Variants in TIMD4 observed in about 807,000 individuals in gnomAD.
TIMD4 encodes T cell immunoglobulin and mucin domain containing 4.
A neutral mutation model predicts 41.2 loss-of-function variants in TIMD4; 31 were observed. The observed-to-expected ratio is 0.75, with a 90% CI of 0.57 to 1.01. The LOEUF is 1.01. TIMD4 is among the 50% of genes least tolerant of loss of function. TIMD4 has a pLI of 0.00. For synonymous variants in TIMD4, 204 were observed against 177.1 expected (o/e 1.15, Z -1.21); for missense variants, 479 against 472.5 (o/e 1.01, Z -0.13).
chr5:156,956,100 C>T (rs1188154220), intron 1 of TIMD4, among the ~76,000 whole-genome samples: 1 of 152,196 alleles, frequency 6.6e-6, no homozygotes, highest in Non-Finnish European at 1.5e-5. Context: ...AAACTTTGTA[C>T]CTTTTAATCA....
intron 4 of TIMD4, 50 bp from the exon 5 acceptor site, chr5:156,948,549 C>T: frequency 7.4e-7 from 1 of 1,350,834 alleles, no homozygotes; most frequent in Admixed American, 2.4e-5. Context: ...AAATGCTTGT[C>T]TTCCTGCTTT....
At chr5:156,945,240 G>A (rs530803890) in intron 5 of TIMD4, among the ~76,000 whole-genome samples, 2 of 152,272 alleles carry the variant, frequency 1.3e-5, no homozygotes, top group South Asian at 4.1e-4. Flanking sequence ...TTAAATCCAG[G>A]TCGGCCATTT....
At chr5:156,933,189 T>C (rs1581614997) in intron 5 of TIMD4, among the ~76,000 whole-genome samples, 1 of 152,162 alleles carries the variant, frequency 6.6e-6, no homozygotes, top group Middle Eastern at 3.4e-3. Context: ...TTGAAAGTTT[T>C]TGTGAAAAAC....
At chr5:156,935,893 C>T (rs1157537704) in intron 5 of TIMD4, among the ~76,000 whole-genome samples, 1 of 152,194 alleles carries the variant, frequency 6.6e-6, no homozygotes, top group Non-Finnish European at 1.5e-5. Context: ...ACTGGACTCT[C>T]CTCTGGAGGG....
chr5:156,926,891 C>T (rs189870861), intron 5 of TIMD4, among the ~76,000 whole-genome samples: 22 of 152,286 alleles, frequency 1.4e-4, no homozygotes, highest in African/African-American at 4.8e-4. Flanking sequence ...GGAGTTTATG[C>T]TGAGAGGTGG....
intron 5 of TIMD4, among the ~76,000 whole-genome samples, chr5:156,945,861 G>A (rs1364521148): frequency 6.6e-6 from 1 of 152,176 alleles, no homozygotes; most frequent in African/African-American, 2.4e-5. Context: ...ACAAAAATAT[G>A]AGCATCTGCT....
At position 156,946,372 on chromosome 5, in the gene TIMD4, C is replaced by T. The variant is rs1759740739; in HGVS notation, c.844+2044G>A. On this transcript the variant is annotated intron_variant, in intron 5 of 8. Transcript: ENST00000274532. ...CTGTATGAGTTAGTGCAGGCCAAAG[C>T]GTCTTAATATCAGGGCCCCCTCGCA... Among the ~76,000 whole-genome samples, 3 of 152,194 alleles carry T rather than the reference C, an allele frequency of 2.0e-5. No homozygotes were observed. In the South Asian group the frequency reaches 6.2e-4, roughly 31 times the overall value.
At chr5:156,945,978 A>G (rs1166187780) in intron 5 of TIMD4, among the ~76,000 whole-genome samples, 1 of 152,210 alleles carries the variant, frequency 6.6e-6, no homozygotes, top group East Asian at 1.9e-4. Flanking sequence ...TAAATGTTCC[A>G]TAGAGACTGA....
chr5:156,942,003 C>T (rs1389550450), intron 5 of TIMD4, among the ~76,000 whole-genome samples: 4 of 152,210 alleles, frequency 2.6e-5, no homozygotes, highest in African/African-American at 7.2e-5. Context: ...AAACTCATCC[C>T]TAACCCACTC....
At chr5:156,937,362 C>T (rs953040332) in intron 5 of TIMD4, among the ~76,000 whole-genome samples, 14 of 150,482 alleles carry the variant, frequency 9.3e-5, no homozygotes, top group African/African-American at 3.4e-4. Context: ...TATTTATTGA[C>T]TTGTTTATAG....
chr5:156,940,568 G>A (rs533772214), intron 5 of TIMD4, among the ~76,000 whole-genome samples: 72 of 144,852 alleles, frequency 5.0e-4, no homozygotes, highest in Non-Finnish European at 9.0e-4. Context: ...CTGCCCCGCC[G>A]CCCCGTCTGG....
At chr5:156,943,006 A>G (rs559666508) in intron 5 of TIMD4, among the ~76,000 whole-genome samples, 1 of 152,360 alleles carries the variant, frequency 6.6e-6, no homozygotes, top group South Asian at 2.1e-4. Context: ...AGATTGTAAA[A>G]GCTTTTGTAA....
At chr5:156,961,479 G>A (rs1341770566) in intron 1 of TIMD4, among the ~76,000 whole-genome samples, 1 of 152,142 alleles carries the variant, frequency 6.6e-6, no homozygotes, top group African/African-American at 2.4e-5. Context: ...AGCAACCTAC[G>A]TGTCCATCAA....
At chr5:156,936,761 CAA>C (rs1181412778) in intron 5 of TIMD4, among the ~76,000 whole-genome samples, 1 of 126,842 alleles carries the variant, frequency 7.9e-6, no homozygotes, top group African/African-American at 2.9e-5. Context: ...TACAAAAGTA[CAA>C]AAAAAAAAAG....
intron 5 of TIMD4, among the ~76,000 whole-genome samples, chr5:156,934,909 G>T (rs927670747): frequency 6.6e-6 from 1 of 152,076 alleles, no homozygotes; most frequent in African/African-American, 2.4e-5. Flanking sequence ...CATAGATGCT[G>T]GGACTCATCT....
At chr5:156,955,166 C>G (rs1453168295) in intron 1 of TIMD4, among the ~76,000 whole-genome samples, 1 of 152,214 alleles carries the variant, frequency 6.6e-6, no homozygotes, top group South Asian at 2.1e-4. Context: ...ATTCTATCCC[C>G]TAAGTGGAAC....
chr5:156,948,338 A>AAAT, intron 5 of TIMD4, 78 bp downstream of exon 5: 1 of 852,842 alleles, frequency 1.2e-6, no homozygotes, highest in Non-Finnish European at 1.5e-6. Context: ...AAAAAAAAAA[A>AAAT]GCAAGATTCT....
At chr5:156,927,645 A>C (rs1759371913) in intron 5 of TIMD4, among the ~76,000 whole-genome samples, 1 of 152,186 alleles carries the variant, frequency 6.6e-6, no homozygotes, top group African/African-American at 2.4e-5. Flanking sequence ...AACCAAAGAG[A>C]GAGAGAGATT....
chr5:156,949,257 C>T (rs1759805836), intron 4 of TIMD4, among the ~76,000 whole-genome samples: 1 of 152,160 alleles, frequency 6.6e-6, no homozygotes, highest in South Asian at 2.1e-4. Context: ...AATTAGTAAA[C>T]CCCTCAGCAG....
Sources: allele counts gnomAD v4.1 joint callset (sites outside exome capture counted in the v4.1 genomes callset), GRCh38; gene constraint gnomAD v4.1.1; transcripts MANE v1.5; gene names NCBI Gene and HGNC (gene_info 2026-07-23, HGNC 2026-07-21).